The following LMCD1 variants were observed in gnomAD, a reference collection of about 807,000 sequenced individuals.
LMCD1 encodes the protein LIM and cysteine rich domains 1, also known as LIM and cysteine-rich domains protein 1.
A neutral mutation model predicts 42.7 loss-of-function variants in LMCD1; 32 were observed. The ratio of observed to expected loss-of-function variants is 0.75; its 90% confidence interval spans 0.57 to 1.01. LMCD1 has a LOEUF of 1.01. Ranked by LOEUF, LMCD1 falls within the 50% of genes least tolerant of loss-of-function variation. The probability of loss-of-function intolerance (pLI) is 0.00; values close to 1 mark genes in which losing one functional copy is unlikely to be tolerated. For missense variants in LMCD1, 458 were observed against 483.1 expected (o/e 0.95, Z 0.49); for synonymous variants, 178 against 184.9 (o/e 0.96, Z 0.30).
In LMCD1 at chr3:8,510,279, G is replaced by A. The variant is rs78359658; in HGVS notation, c.42+8299G>A. Among the ~76,000 whole-genome samples, 337 of 152,228 alleles carry A rather than the reference G, an allele frequency of 2.2e-3. 2 individuals carry two copies. Among genetic ancestry groups the A allele is most frequent in the Middle Eastern group, 3.4e-3 (1 of 294 alleles). On this transcript the variant is annotated intron_variant, in intron 1 of 5. Coordinates refer to ENST00000157600, the MANE Select transcript of LMCD1 (RefSeq NM_014583.4). ...GGAGGAGAGCCACCCCTCCTACCAC[G>A]GCACACGGGTGCTCCCCACCCCAAC...
In LMCD1 at chr3:8,567,634, C is replaced by T. The variant is rs1695151548; in HGVS notation, c.*36C>T. On this transcript the variant is annotated 3_prime_UTR_variant, in exon 6 of 6. Transcript: ENST00000157600. Reference sequence around the variant, plus strand: ...ACCCACAGCCAGAATCCACAGGATCCCACCGAGAAGGAGAGCCAGGTGTGC... The same window carrying T: ...ACCCACAGCCAGAATCCACAGGATCTCACCGAGAAGGAGAGCCAGGTGTGC... The T allele has an allele frequency of 6.3e-7, 1 of 1,589,984 alleles. No homozygotes were observed.
In LMCD1 at chr3:8,537,391, T is replaced by A. The variant is rs1219752346; in HGVS notation, c.338T>A (p.Phe113Tyr). ...NPIATGKDPT[F>Y]DTITYEWAPP... Reference sequence around the variant, plus strand: ...ATTGCTACTGGGAAAGATCCCACTTTTGACACCATCACCTACGAGTGGGCT... The same window carrying A: ...ATTGCTACTGGGAAAGATCCCACTTATGACACCATCACCTACGAGTGGGCT... The change falls in exon 3 of 6, where the codon TTT (phenylalanine) becomes TAT (tyrosine). Residue 113 changes from phenylalanine (F) to tyrosine (Y), a missense_variant. Phe to Tyr is a conservative substitution (Grantham distance 22). Transcript: ENST00000157600. 6.2e-7 allele frequency: 1 copy of A among 1,610,236 alleles called. No homozygotes were observed.
At chr3:8,550,006 G>T in intron 4 of LMCD1, 1 of 1,508,848 alleles carries the variant, frequency 6.6e-7, no homozygotes, top group Non-Finnish European at 8.9e-7. Context: ...CCATGCAGAG[G>T]ATTATGTTTC....
chr3:8,571,689 C>G lies in LMCD1; in HGVS notation c.*4091C>G, dbSNP rs901232237. On this transcript the variant is annotated 3_prime_UTR_variant, in exon 6 of 6. Transcript: ENST00000157600. ...AAAGGCCATGCGCCTCTATTACCAG[C>G]CAGTGGGGCTTCCGCCTTAGGAGGG... is the stretch of plus-strand genomic sequence containing the variant. 6.6e-6 allele frequency: 1 copy of G among 152,272 alleles called. No homozygotes were observed. The highest frequency in any genetic ancestry group is 1.5e-5 in the Non-Finnish European group (1 of 68,066). The allele number at this position is 152,272 out of a possible 1,614,324, so 9.4% of individuals were successfully genotyped here.
chr3:8,570,594 T>TCGCTTTCACTCCATCCC lies in LMCD1; in HGVS notation c.*2998_*3014dup, dbSNP rs1184788865. 2 of 152,232 alleles carry TCGCTTTCACTCCATCCC rather than the reference T, an allele frequency of 1.3e-5. No individual in the cohort carries two copies. Among genetic ancestry groups the TCGCTTTCACTCCATCCC allele is most frequent in the Admixed American group, 6.5e-5 (1 of 15,274 alleles). 9.4% of individuals were successfully genotyped at this position (152,232 alleles called of 1,614,324 possible). On this transcript the variant is annotated 3_prime_UTR_variant, in exon 6 of 6. Coordinates refer to ENST00000157600, the MANE Select transcript of LMCD1 (RefSeq NM_014583.4). ...TCAGTCCAGTCCTTTCTCTCCATCC[T>TCGCTTTCACTCCATCCC]CGCTTTCACTCCATCCCCAAAGTCA...
chr3:8,535,512 C>T (rs1047428457), intron 2 of LMCD1, among the ~76,000 whole-genome samples: 3 of 152,134 alleles, frequency 2.0e-5, no homozygotes, highest in Admixed American at 1.3e-4. Context: ...TGCACATCAC[C>T]GTATCAAAGT....
rs562579851 is a variant in LMCD1 at position 8,514,701 on chromosome 3, A to C, written c.42+12721A>C. ...AGTAACAAAAAATCTAATATATGTAACAACATGGGTAATTTTAAACATGTT... is the reference window on the plus strand; with the variant it reads ...AGTAACAAAAAATCTAATATATGTACCAACATGGGTAATTTTAAACATGTT... On this transcript the variant is annotated intron_variant, in intron 1 of 5. Coordinates refer to ENST00000157600, the MANE Select transcript of LMCD1 (RefSeq NM_014583.4). 3.3e-5 allele frequency among the ~76,000 whole-genome samples: 5 copies of C among 152,360 alleles called. 1 individual carries two copies. The highest frequency in any genetic ancestry group is 1.2e-4 in the African/African-American group (5 of 41,592).
chr3:8,509,549 A>G (rs1210528814), intron 1 of LMCD1, among the ~76,000 whole-genome samples: 1 of 152,218 alleles, frequency 6.6e-6, no homozygotes, highest in Non-Finnish European at 1.5e-5. Context: ...ATACATGACA[A>G]TGAATAGGAA....
chr3:8,505,249 A>G (rs778267817), intron 1 of LMCD1, among the ~76,000 whole-genome samples: 3 of 152,246 alleles, frequency 2.0e-5, no homozygotes, highest in Non-Finnish European at 4.4e-5. Context: ...GCCATTGCTC[A>G]GCTTTGACAA....
At chr3:8,523,079 C>G (rs554138432) in intron 1 of LMCD1, among the ~76,000 whole-genome samples, 1 of 152,344 alleles carries the variant, frequency 6.6e-6, no homozygotes, top group African/African-American at 2.4e-5. Context: ...CAATTGTGTT[C>G]TCATTCTGTT....
At chr3:8,524,205 A>G (rs1459617602) in intron 1 of LMCD1, among the ~76,000 whole-genome samples, 1 of 150,528 alleles carries the variant, frequency 6.6e-6, no homozygotes, top group Non-Finnish European at 1.5e-5. Context: ...TTAAGGAAAA[A>G]AAAAAAAAAA....
At chr3:8,550,683 A>G in intron 4 of LMCD1, 5 of 985,036 alleles carry the variant, frequency 5.1e-6, no homozygotes, top group Non-Finnish European at 6.0e-6. Context: ...GGATGTAAAA[A>G]AGAAAAAAAT....
At chr3:8,561,202 A>T (rs1695027902) in intron 4 of LMCD1, among the ~76,000 whole-genome samples, 1 of 152,244 alleles carries the variant, frequency 6.6e-6, no homozygotes, top group Non-Finnish European at 1.5e-5. Flanking sequence ...TTAAATTAGC[A>T]TCTAAAGCCA....
At chr3:8,533,921 C>T (rs900920465) in intron 2 of LMCD1, among the ~76,000 whole-genome samples, 3 of 151,800 alleles carry the variant, frequency 2.0e-5, no homozygotes, top group African/African-American at 4.8e-5. Context: ...GGAGCTCGCA[C>T]CGTCTTCTGG....
chr3:8,544,956 C>T (rs911033303), intron 3 of LMCD1, among the ~76,000 whole-genome samples: 4 of 152,130 alleles, frequency 2.6e-5, no homozygotes, highest in Non-Finnish European at 5.9e-5. Context: ...ATCTCCCCGT[C>T]CCTGGGACTC....
intron 1 of LMCD1, among the ~76,000 whole-genome samples, chr3:8,508,416 A>G (rs962212045): frequency 6.6e-6 from 1 of 152,234 alleles, no homozygotes; most frequent in Non-Finnish European, 1.5e-5. Flanking sequence ...CTATTGAAGG[A>G]CAAAGGAGTG....
intron 4 of LMCD1, among the ~76,000 whole-genome samples, chr3:8,558,810 A>G (rs571347713): frequency 3.3e-5 from 5 of 152,298 alleles, no homozygotes; most frequent in South Asian, 4.2e-4. Flanking sequence ...TGCTGAGCTT[A>G]TGTATAAAGT....
intron 1 of LMCD1, among the ~76,000 whole-genome samples, chr3:8,515,535 T>C (rs990305661): frequency 3.9e-5 from 6 of 152,186 alleles, no homozygotes; most frequent in Non-Finnish European, 8.8e-5. Flanking sequence ...CATCATATCC[T>C]GTTTATGCTG....
At chr3:8,515,200 T>G (rs1694077127) in intron 1 of LMCD1, among the ~76,000 whole-genome samples, 1 of 152,186 alleles carries the variant, frequency 6.6e-6, no homozygotes, top group Admixed American at 6.5e-5. Context: ...ATCTTGCCAT[T>G]GAATTTAGCC....
Sources: gnomAD v4.1 joint callset for allele counts (sites outside exome capture counted in the v4.1 genomes callset) on GRCh38, gnomAD v4.1.1 for gene constraint, MANE v1.5 for transcripts, NCBI Gene and HGNC (gene_info 2026-07-23, HGNC 2026-07-21) for gene names.